Variants in STX8 observed in about 807,000 individuals in gnomAD.
STX8 encodes syntaxin-8.
A neutral mutation model predicts 37.5 loss-of-function variants in STX8; 23 were observed. The ratio of observed to expected loss-of-function variants is 0.61; its 90% CI spans 0.44 to 0.87. STX8 has a LOEUF of 0.87. STX8 is among the 40% of genes least tolerant of loss of function. The probability of loss-of-function intolerance (pLI) is 0.00; values close to 1 mark genes in which losing one functional copy is unlikely to be tolerated. For missense variants in STX8, 313 were observed against 284.7 expected, an observed-to-expected ratio of 1.10 and a Z score of -0.71; for synonymous variants, 115 against 99.1, an observed-to-expected ratio of 1.16 and a Z score of -0.95.
chr17:9,395,541 G>C (rs1445414537), intron 6 of STX8, among the ~76,000 whole-genome samples: 2 of 152,142 alleles, frequency 1.3e-5, no homozygotes, highest in Non-Finnish European at 1.5e-5. Context: ...TCGCACCACT[G>C]CACTCCAGCC....
At chr17:9,315,518 G>C (rs1415607544) in intron 7 of STX8, among the ~76,000 whole-genome samples, 1 of 152,154 alleles carries the variant, frequency 6.6e-6, no homozygotes, top group Non-Finnish European at 1.5e-5. Flanking sequence ...GGAAAATGTG[G>C]GATGCGTGTC....
At chr17:9,380,707 A>C (rs551642859) in intron 6 of STX8, among the ~76,000 whole-genome samples, 228 of 132,560 alleles carry the variant, frequency 1.7e-3, no homozygotes, top group Non-Finnish European at 3.0e-3. Context: ...TGGATACAGA[A>C]ACTTTTTTTT....
At chr17:9,307,778 A>G (rs1909051771) in intron 7 of STX8, among the ~76,000 whole-genome samples, 1 of 152,096 alleles carries the variant, frequency 6.6e-6, no homozygotes, top group South Asian at 2.1e-4. Context: ...ACCTTCTCCC[A>G]TCCTCCTGTT....
intron 7 of STX8, among the ~76,000 whole-genome samples, chr17:9,301,777 C>CG (rs1310120308): frequency 6.6e-6 from 1 of 152,030 alleles, no homozygotes; most frequent in African/African-American, 2.4e-5. Context: ...GCATGAGCCA[C>CG]GGCGCCCGGC....
chr17:9,357,427 C>T (rs564614555), intron 7 of STX8, among the ~76,000 whole-genome samples: 3 of 152,112 alleles, frequency 2.0e-5, no homozygotes, highest in East Asian at 3.9e-4. Context: ...CGGTGGCTCA[C>T]GCCTGTAATC....
At chr17:9,266,238 GT>G (rs1907229100) in intron 7 of STX8, among the ~76,000 whole-genome samples, 1 of 152,204 alleles carries the variant, frequency 6.6e-6, no homozygotes, top group Non-Finnish European at 1.5e-5. Context: ...AGAGGAAGAA[GT>G]TGGCAGTGGG....
intron 6 of STX8, among the ~76,000 whole-genome samples, chr17:9,473,992 G>T (rs765830984): frequency 1.7e-4 from 26 of 152,176 alleles, no homozygotes; most frequent in Non-Finnish European, 3.4e-4. Context: ...CCCAGGGAGG[G>T]GAGGGAGGCT....
intron 5 of STX8, among the ~76,000 whole-genome samples, chr17:9,497,286 C>T (rs1904442409): frequency 6.6e-6 from 1 of 152,204 alleles, no homozygotes; most frequent in Non-Finnish European, 1.5e-5. Flanking sequence ...CATCACAGCA[C>T]AATCAGGGAA....
intron 7 of STX8, among the ~76,000 whole-genome samples, chr17:9,351,176 C>CTTTT (rs71135970): frequency 1.1e-3 from 107 of 99,792 alleles, no homozygotes; most frequent in African/African-American, 1.7e-3. Context: ...ATTTCCTTGT[C>CTTTT]TTTTTTTTTT....
Position 9,295,267 on chromosome 17 carries a change from T to TGC in STX8, c.644-44623_644-44622insGC, listed in dbSNP as rs542235946. ...TGAAGGGATCTTATCTTAGAACCCA[T>TGC]AACACTTTATTGACTTAGTCTTTTT... On this transcript the variant is annotated intron_variant, in intron 7 of 7. Transcript: ENST00000306357. Among the ~76,000 whole-genome samples, 29 of 152,336 alleles carry TGC rather than the reference T, an allele frequency of 1.9e-4. No homozygotes were observed. In the East Asian group the frequency reaches 5.6e-3, roughly 29 times the overall value.
At chr17:9,341,587 C>T (rs1158982936) in intron 7 of STX8, among the ~76,000 whole-genome samples, 1 of 152,154 alleles carries the variant, frequency 6.6e-6, no homozygotes, top group Non-Finnish European at 1.5e-5. Flanking sequence ...CAGGCATGTG[C>T]CACCAGGCCT....
intron 6 of STX8, among the ~76,000 whole-genome samples, chr17:9,404,207 G>A (rs1912728540): frequency 6.6e-6 from 1 of 152,072 alleles, no homozygotes; most frequent in Admixed American, 6.6e-5. Context: ...GGCTGAGGAG[G>A]AGGAAGAAAA....
At chr17:9,481,113 G>C (rs1906321057) in intron 6 of STX8, among the ~76,000 whole-genome samples, 1 of 152,122 alleles carries the variant, frequency 6.6e-6, no homozygotes, top group Non-Finnish European at 1.5e-5. Context: ...TCTATCTCCT[G>C]ACCTCGTGAT....
intron 6 of STX8, among the ~76,000 whole-genome samples, chr17:9,411,403 C>T (rs1314396547): frequency 6.6e-6 from 1 of 152,152 alleles, no homozygotes; most frequent in African/African-American, 2.4e-5. Flanking sequence ...CTGAAAAAAG[C>T]CTTTGTTGTA....
intron 4 of STX8, among the ~76,000 whole-genome samples, chr17:9,526,476 C>T (rs570207008): frequency 3.3e-5 from 5 of 151,988 alleles, no homozygotes; most frequent in Non-Finnish European, 7.4e-5. Context: ...AAAAATTGCT[C>T]GGTAAACAGA....
At chr17:9,535,424 C>CCTTTTTTTTTTTTTTTT (rs1905992804) in intron 4 of STX8, among the ~76,000 whole-genome samples, 1 of 51,550 alleles carries the variant, frequency 1.9e-5, no homozygotes, top group African/African-American at 7.4e-5. Context: ...AGCCATCCTA[C>CCTTTTTTTTTTTTTTTT]TTTTTTTTTT....
chr17:9,473,309 G>A (rs534627443), intron 6 of STX8, among the ~76,000 whole-genome samples: 110 of 152,166 alleles, frequency 7.2e-4, no homozygotes, highest in African/African-American at 2.5e-3. Flanking sequence ...ATGAGCCACC[G>A]TGCCCAGCCA....
chr17:9,263,502 G>A (rs980673378), intron 7 of STX8, among the ~76,000 whole-genome samples: 1 of 152,132 alleles, frequency 6.6e-6, no homozygotes, highest in Non-Finnish European at 1.5e-5. Flanking sequence ...AATATAAGTA[G>A]TATCTAATGA....
chr17:9,431,147 C>G (rs535334619), intron 6 of STX8, among the ~76,000 whole-genome samples: 1 of 151,488 alleles, frequency 6.6e-6, no homozygotes, highest in Admixed American at 6.6e-5. Flanking sequence ...TAAGCCACTG[C>G]GCCCAGCCTT....
Sources: gnomAD v4.1 joint callset for allele counts (sites outside exome capture counted in the v4.1 genomes callset) on GRCh38, gnomAD v4.1.1 for gene constraint, MANE v1.5 for transcripts, NCBI Gene and HGNC (gene_info 2026-07-23, HGNC 2026-07-21) for gene names.